Variants in PDE4D observed in about 807,000 individuals in gnomAD.
PDE4D encodes 3',5'-cyclic-AMP phosphodiesterase 4D.
Under a neutral mutation model 87.4 loss-of-function variants are expected in PDE4D, and 24 were observed. That is an observed-to-expected ratio of 0.27 (90% CI 0.20 to 0.39). PDE4D has a LOEUF of 0.39. Among genes scored for constraint, PDE4D ranks in the 10% least tolerant of loss-of-function variants. The probability of loss-of-function intolerance (pLI) is 1.00; values close to 1 mark genes in which losing one functional copy is unlikely to be tolerated. For missense variants in PDE4D, 714 were observed against 1,041.0 expected (o/e 0.69, Z 4.32); for synonymous variants, 384 against 383.2 (o/e 1.00, Z -0.02).
chr5:60,371,946 T>C (rs902054942), intron 1 of PDE4D, among the ~76,000 whole-genome samples: 7 of 152,202 alleles, frequency 4.6e-5, no homozygotes, highest in African/African-American at 1.7e-4. Flanking sequence ...GCATATGTCT[T>C]TCAGTACAGA....
At chr5:59,344,375 A>G (rs1342943296) in intron 1 of PDE4D, among the ~76,000 whole-genome samples, 1 of 152,192 alleles carries the variant, frequency 6.6e-6, no homozygotes, top group African/African-American at 2.4e-5. Flanking sequence ...CATGATATGA[A>G]TCGAGTGACT....
chr5:59,627,900 C>G (rs1162376835), intron 1 of PDE4D, among the ~76,000 whole-genome samples: 1 of 152,174 alleles, frequency 6.6e-6, no homozygotes, highest in Non-Finnish European at 1.5e-5. Flanking sequence ...CTGCTGACTC[C>G]TTGTACCTGC....
chr5:59,224,948 C>A (rs746891934), intron 1 of PDE4D, among the ~76,000 whole-genome samples: 1 of 152,120 alleles, frequency 6.6e-6, no homozygotes, highest in Non-Finnish European at 1.5e-5. Flanking sequence ...CTTTGTTATG[C>A]GGCCTGAGTT....
intron 1 of PDE4D, among the ~76,000 whole-genome samples, chr5:60,351,164 C>A (rs1166570630): frequency 6.6e-6 from 1 of 152,154 alleles, no homozygotes; most frequent in African/African-American, 2.4e-5. Context: ...AAAGCCTCAG[C>A]ACAGAGCCAA....
chr5:60,007,610 T>C (rs1315089639), intron 2 of PDE4D, among the ~76,000 whole-genome samples: 2 of 152,164 alleles, frequency 1.3e-5, no homozygotes, highest in African/African-American at 4.8e-5. Context: ...TAATATTTAA[T>C]GTAAAATACA....
chr5:59,417,902 A>C (rs529001047), intron 1 of PDE4D, among the ~76,000 whole-genome samples: 2 of 152,304 alleles, frequency 1.3e-5, no homozygotes, highest in East Asian at 3.9e-4. Flanking sequence ...GTTAGGCCCT[A>C]ATTACCTGCA....
At chr5:60,062,143 C>T (rs1771478190) in intron 2 of PDE4D, among the ~76,000 whole-genome samples, 1 of 151,874 alleles carries the variant, frequency 6.6e-6, no homozygotes, top group Non-Finnish European at 1.5e-5. Context: ...AATGGGAGAA[C>T]ATTTTTGCAA....
chr5:59,562,995 A>C (rs1820289898), intron 1 of PDE4D, among the ~76,000 whole-genome samples: 1 of 152,160 alleles, frequency 6.6e-6, no homozygotes, highest in Non-Finnish European at 1.5e-5. Flanking sequence ...TTGCTTAGCT[A>C]TTGATAAATA....
intron 3 of PDE4D, among the ~76,000 whole-genome samples, chr5:59,977,588 G>A (rs1761472078): frequency 1.3e-5 from 2 of 152,170 alleles, no homozygotes; most frequent in African/African-American, 4.8e-5. Flanking sequence ...AAAAAAAAAG[G>A]AGTGTGAAGT....
chr5:59,203,165 G>A (rs1196989339), intron 2 of PDE4D, among the ~76,000 whole-genome samples: 1 of 151,950 alleles, frequency 6.6e-6, no homozygotes, highest in South Asian at 2.1e-4. Flanking sequence ...GCAACATCGT[G>A]AGACACCTTC....
intron 1 of PDE4D, among the ~76,000 whole-genome samples, chr5:60,266,909 T>C (rs1750269861): frequency 6.6e-6 from 1 of 152,236 alleles, no homozygotes; most frequent in Admixed American, 6.5e-5. Context: ...CATTTTCATC[T>C]TGAGCAGATG....
At chr5:59,125,119 G>GCT (rs1474745074) in intron 5 of PDE4D, 1 of 197,220 alleles carries the variant, frequency 5.1e-6, no homozygotes, top group Admixed American at 6.5e-5. Context: ...AAACCACAGT[G>GCT]CTCTCAATGC....
intron 1 of PDE4D, among the ~76,000 whole-genome samples, chr5:60,328,408 TTCAG>T (rs564941139): frequency 6.6e-6 from 1 of 152,142 alleles, no homozygotes; most frequent in African/African-American, 2.4e-5. Flanking sequence ...AATCAAGTCA[TTCAG>T]TATGTACTCT....
chr5:60,371,018 A>G (rs1414054129), intron 1 of PDE4D, among the ~76,000 whole-genome samples: 1 of 152,146 alleles, frequency 6.6e-6, no homozygotes, highest in East Asian at 1.9e-4. Flanking sequence ...TGAGCTCACA[A>G]CTCTAGCAAA....
chr5:59,181,792 G>A (rs1385475364), intron 4 of PDE4D, among the ~76,000 whole-genome samples: 1 of 152,096 alleles, frequency 6.6e-6, no homozygotes, highest in Non-Finnish European at 1.5e-5. Context: ...ACGAAGCTGA[G>A]ATTTGAACTA....
At chr5:59,278,179 G>C (rs908533861) in intron 1 of PDE4D, among the ~76,000 whole-genome samples, 2 of 152,050 alleles carry the variant, frequency 1.3e-5, no homozygotes, top group African/African-American at 4.8e-5. Context: ...TTATCCACTT[G>C]TAAGACCATT....
At chr5:59,634,334 G>C (rs963772970) in intron 1 of PDE4D, among the ~76,000 whole-genome samples, 1 of 152,154 alleles carries the variant, frequency 6.6e-6, no homozygotes, top group Non-Finnish European at 1.5e-5. Flanking sequence ...GAACGAGACA[G>C]AAAATTAACA....
chr5:59,477,717 C>T (rs1848059), intron 1 of PDE4D, among the ~76,000 whole-genome samples: 35,946 of 151,886 alleles, frequency 0.24, 4,875 homozygotes, highest in African/African-American at 0.36. Flanking sequence ...CCAAAGAATA[C>T]AAATCATTCC....
At chr5:60,125,155 C>T (rs974472556) in intron 2 of PDE4D, among the ~76,000 whole-genome samples, 3 of 152,116 alleles carry the variant, frequency 2.0e-5, no homozygotes, top group African/African-American at 7.2e-5. Flanking sequence ...CTACCATAAC[C>T]AACTGCCTAT....
Sources: gnomAD v4.1 joint callset for allele counts (sites outside exome capture counted in the v4.1 genomes callset) on GRCh38, gnomAD v4.1.1 for gene constraint, MANE v1.5 for transcripts, NCBI Gene and HGNC (gene_info 2026-07-23, HGNC 2026-07-21) for gene names.